The following LARGE1 variants were observed in gnomAD, a reference collection of about 807,000 sequenced individuals.
The protein encoded by LARGE1 is LARGE xylosyl- and glucuronyltransferase 1.
In LARGE1, 43 loss-of-function variants were observed where a neutral mutation model predicts 87.6. That is an observed-to-expected ratio of 0.49 (90% CI 0.38 to 0.63). The LOEUF (loss-of-function observed/expected upper bound fraction) is 0.63, where lower values mean the gene tolerates loss of function less well. Ranked by LOEUF, LARGE1 falls within the 30% of genes least tolerant of loss-of-function variation. LARGE1 has a pLI of 0.00. For synonymous variants in LARGE1, 434 were observed against 394.6 expected (o/e 1.10, Z -1.18); for missense variants, 802 against 1,000.2 (o/e 0.80, Z 2.67).
intron 2 of LARGE1, among the ~76,000 whole-genome samples, chr22:33,674,956 T>C (rs1248884113): frequency 6.6e-6 from 1 of 151,338 alleles, no homozygotes; most frequent in African/African-American, 2.4e-5. Flanking sequence ...ACATCCAGCA[T>C]ATAGTAGGGG....
chr22:33,745,914 G>T (rs1158102795), intron 2 of LARGE1, among the ~76,000 whole-genome samples: 1 of 152,042 alleles, frequency 6.6e-6, no homozygotes, highest in Non-Finnish European at 1.5e-5. Flanking sequence ...TAACCAGGAG[G>T]GAGCGACCTT....
chr22:33,314,331 A>G (rs1166698408), intron 11 of LARGE1, among the ~76,000 whole-genome samples: 1 of 152,150 alleles, frequency 6.6e-6, no homozygotes, highest in Non-Finnish European at 1.5e-5. Context: ...TGAATTATGC[A>G]TGTGGTCATT....
upstream of LARGE1, among the ~76,000 whole-genome samples, chr22:33,921,824 G>A (rs1424034662): frequency 6.6e-6 from 1 of 152,038 alleles, no homozygotes; most frequent in Non-Finnish European, 1.5e-5. This position sits in a 1 kb window ranked among gnomAD's most constrained non-coding sequence, Gnocchi z 4.1. Flanking sequence ...GAGTCCTCCC[G>A]AGCCACAGGA....
intron 11 of LARGE1, among the ~76,000 whole-genome samples, chr22:33,259,429 G>A (rs1054845876): frequency 2.6e-5 from 4 of 151,212 alleles, no homozygotes; most frequent in African/African-American, 9.7e-5. Flanking sequence ...TTGCCACATC[G>A]TAGTTTTCTA....
At chr22:33,818,350 C>G (rs1200152164) in intron 1 of LARGE1, among the ~76,000 whole-genome samples, 1 of 152,200 alleles carries the variant, frequency 6.6e-6, no homozygotes, top group Admixed American at 6.5e-5. Flanking sequence ...ACCCTATCAA[C>G]TCACTCAGGG....
chr22:33,444,428 G>A (rs2067607983), intron 6 of LARGE1, among the ~76,000 whole-genome samples: 1 of 151,992 alleles, frequency 6.6e-6, no homozygotes, highest in South Asian at 2.1e-4. Flanking sequence ...GTCTTGCTCT[G>A]TCATCCAGGC....
the LARGE1 span, among the ~76,000 whole-genome samples, chr22:33,109,713 G>A: frequency 6.6e-6 from 1 of 152,164 alleles, no homozygotes; most frequent in Non-Finnish European, 1.5e-5. Context: ...GGGAGTGGGA[G>A]ATGTTTGAAT....
intron 2 of LARGE1, chr22:33,746,444 A>ATT (rs1399319218): frequency 3.4e-4 from 52 of 152,190 alleles, no homozygotes; most frequent in Admixed American, 1.4e-3. Flanking sequence ...GGATTCGGAG[A>ATT]TGACTACGGA....
At chr22:33,197,592 A>G (rs1355569753) in intron 11 of LARGE1, among the ~76,000 whole-genome samples, 2 of 152,100 alleles carry the variant, frequency 1.3e-5, no homozygotes, top group Non-Finnish European at 2.9e-5. Flanking sequence ...AAGAAGTATA[A>G]TAGCCCTACT....
chr22:33,524,472 T>G (rs571925683), intron 6 of LARGE1, among the ~76,000 whole-genome samples: 3 of 152,046 alleles, frequency 2.0e-5, no homozygotes, highest in African/African-American at 2.4e-5. Flanking sequence ...ATGCATAATT[T>G]GTTTACTTGA....
At chr22:33,623,219 C>T (rs2079811644) in intron 4 of LARGE1, among the ~76,000 whole-genome samples, 1 of 150,776 alleles carries the variant, frequency 6.6e-6, no homozygotes, top group Non-Finnish European at 1.5e-5. Flanking sequence ...CTGAAGACCA[C>T]TCATCTCATT....
intron 1 of LARGE1, among the ~76,000 whole-genome samples, chr22:33,881,534 G>A (rs2064683345): frequency 6.6e-6 from 1 of 152,196 alleles, no homozygotes; most frequent in Non-Finnish European, 1.5e-5. Flanking sequence ...GTGGTTAAAA[G>A]GCAGAGTCTT....
At chr22:33,159,413 T>A (rs1352855897), downstream of LARGE1, among the ~76,000 whole-genome samples, 15 of 152,166 alleles carry the variant, frequency 9.9e-5, no homozygotes, top group Admixed American at 5.2e-4. Flanking sequence ...TGCTCACCTT[T>A]TTCAGTGGAG....
chr22:33,856,236 G>C (rs1306454671), intron 1 of LARGE1, among the ~76,000 whole-genome samples: 1 of 152,168 alleles, frequency 6.6e-6, no homozygotes, highest in Non-Finnish European at 1.5e-5. Flanking sequence ...GTTCTCAGGG[G>C]GCCATGCTCC....
intron 11 of LARGE1, among the ~76,000 whole-genome samples, chr22:33,200,939 T>A (rs1259565983): frequency 1.3e-5 from 2 of 152,132 alleles, no homozygotes; most frequent in African/African-American, 4.8e-5. Context: ...ATGGTATACA[T>A]CAAAGAGGTG....
chr22:33,626,641 T>C (rs1320675634), intron 3 of LARGE1, among the ~76,000 whole-genome samples: 2 of 152,110 alleles, frequency 1.3e-5, no homozygotes, highest in African/African-American at 4.8e-5. Flanking sequence ...ACAATGACAA[T>C]TGGTTAAACA....
intron 1 of LARGE1, among the ~76,000 whole-genome samples, chr22:33,852,131 A>C (rs2063600728): frequency 6.6e-6 from 1 of 152,196 alleles, no homozygotes. Context: ...TATTCTTTGT[A>C]ATTTTCTCGA....
chr22:33,520,491 C>T (rs74580954), intron 6 of LARGE1, among the ~76,000 whole-genome samples: 4,286 of 152,248 alleles, frequency 0.028, 84 homozygotes, highest in South Asian at 0.077. Flanking sequence ...CGGGAGGGGA[C>T]TCTGAACTCT....
intron 4 of LARGE1, among the ~76,000 whole-genome samples, chr22:33,619,851 T>C (rs1195204432): frequency 6.6e-6 from 1 of 152,214 alleles, no homozygotes; most frequent in Non-Finnish European, 1.5e-5. Flanking sequence ...ACATTTGTAT[T>C]TGTTAAATAA....
Sources: gnomAD v4.1 joint callset for allele counts (sites outside exome capture counted in the v4.1 genomes callset) on GRCh38, gnomAD v4.1.1 for gene constraint, Gnocchi (gnomAD v3.1) non-coding constraint, MANE v1.5 for transcripts, NCBI Gene and HGNC (gene_info 2026-07-23, HGNC 2026-07-21) for gene names.